Variants in RARB observed in about 807,000 individuals in gnomAD.
RARB encodes retinoic acid receptor beta.
RARB carries 17 observed loss-of-function variants against 51.9 expected under a neutral mutation model. That is an observed-to-expected ratio of 0.33 (90% CI 0.22 to 0.49). The LOEUF (loss-of-function observed/expected upper bound fraction) is 0.49. Among genes scored for constraint, RARB ranks in the 20% least tolerant of loss-of-function variants. The probability of loss-of-function intolerance (pLI) is 0.99; values close to 1 mark genes in which losing one functional copy is unlikely to be tolerated. For missense variants in RARB, 369 were observed against 550.8 expected (o/e 0.67, Z 3.30); for synonymous variants, 215 against 195.4 (o/e 1.10, Z -0.84).
chr3:25,470,952 G>A (rs185514775), intron 2 of RARB, among the ~76,000 whole-genome samples: 50 of 152,248 alleles, frequency 3.3e-4, no homozygotes, highest in African/African-American at 1.2e-3. Context: ...ATAGTAGGAC[G>A]TTAATGTATA....
chr3:25,596,735 A>G lies in RARB; in HGVS notation c.*119A>G. On this transcript the variant is annotated 3_prime_UTR_variant, in exon 8 of 8. Coordinates refer to ENST00000330688, the MANE Select transcript of RARB (RefSeq NM_000965.5). The stretch of plus-strand genomic sequence containing the variant: ...GACTGAAAAGATATTAAAACTCAAG[A>G]AGGACCAAGAAGTTTTCATATGTAT... 1 of 883,742 alleles carries G rather than the reference A, an allele frequency of 1.1e-6. No homozygotes were observed. Among genetic ancestry groups the G allele is most frequent in the Admixed American group, 2.9e-5 (1 of 34,076 alleles). The allele number at this position is 883,742 out of a possible 1,614,324, so 54.7% of individuals were successfully genotyped here.
At chr3:25,111,483 A>G (rs1699599243) in intron 3 of RARB, among the ~76,000 whole-genome samples, 1 of 151,976 alleles carries the variant, frequency 6.6e-6, no homozygotes, top group Non-Finnish European at 1.5e-5. Flanking sequence ...CTGAAATGCC[A>G]TGCCCCTTCA....
chr3:25,218,311 G>A (rs968823788), intron 5 of RARB, among the ~76,000 whole-genome samples: 7 of 151,912 alleles, frequency 4.6e-5, no homozygotes, highest in African/African-American at 7.2e-5. Context: ...GTGTGTGCGC[G>A]CGTGTGCACA....
At chr3:25,155,300 CA>C (rs1434316641) in intron 4 of RARB, among the ~76,000 whole-genome samples, 1 of 152,170 alleles carries the variant, frequency 6.6e-6, no homozygotes, top group Non-Finnish European at 1.5e-5. Context: ...CTGACCCCAG[CA>C]CACGTAAACT....
chr3:25,288,818 C>A (rs146723945), intron 5 of RARB, among the ~76,000 whole-genome samples: 21 of 152,112 alleles, frequency 1.4e-4, no homozygotes, highest in Admixed American at 5.2e-4. Flanking sequence ...TGAATTGTCC[C>A]TGTAGAAATT....
chr3:25,315,544 A>T (rs1437073200), intron 5 of RARB, among the ~76,000 whole-genome samples: 3 of 152,092 alleles, frequency 2.0e-5, no homozygotes, highest in Non-Finnish European at 2.9e-5. Context: ...CTGGCAAGAG[A>T]TGGAAGAGCT....
At chr3:25,355,381 G>T (rs1249630421) in intron 5 of RARB, among the ~76,000 whole-genome samples, 1 of 152,060 alleles carries the variant, frequency 6.6e-6, no homozygotes. Context: ...ACTCTCCAAG[G>T]ACTTTAAGAT....
chr3:25,286,083 C>CTTT lies in RARB; in HGVS notation c.178+111533_178+111535dup, dbSNP rs33947703. Among the ~76,000 whole-genome samples the CTTT allele has an allele frequency of 5.2e-4, 40 of 76,498 alleles. 3 individuals carry two copies. Among genetic ancestry groups the CTTT allele is most frequent in the African/African-American group, 2.0e-3 (36 of 17,700 alleles). 50.2% of individuals were successfully genotyped at this position (76,498 alleles called of 152,430 possible). On this transcript the variant is annotated intron_variant, in intron 5 of 11. Transcript: ENST00000383772. ...ATTAATTGCTAGTCTTGATCTTTCT[C>CTTT]TTTTTTTTTTTTTTTTTTTTTTTTT... is the stretch of plus-strand genomic sequence containing the variant.
At chr3:24,950,781 G>C (rs1345904423) in intron 2 of RARB, among the ~76,000 whole-genome samples, 2 of 151,778 alleles carry the variant, frequency 1.3e-5, no homozygotes, top group East Asian at 3.9e-4. Context: ...ATAAGAGCTT[G>C]AACACACCAA....
chr3:25,409,931 A>G (rs1261823846), intron 5 of RARB, among the ~76,000 whole-genome samples: 2 of 152,234 alleles, frequency 1.3e-5, no homozygotes, highest in Non-Finnish European at 2.9e-5. Flanking sequence ...AATATTGCTA[A>G]GTTTTGTCCT....
intron 3 of RARB, among the ~76,000 whole-genome samples, chr3:25,528,838 C>CATTCTTCGTAAAACGA (rs58501110): frequency 0.18 from 26,833 of 151,874 alleles, 2,511 homozygotes; most frequent in African/African-American, 0.22. Context: ...AAAACGCAGC[C>CATTCTTCGTAAAACGA]AAACATGAAG....
chr3:25,413,866 G>T (rs928470857), intron 5 of RARB, among the ~76,000 whole-genome samples: 2 of 151,990 alleles, frequency 1.3e-5, no homozygotes, highest in African/African-American at 4.8e-5. Flanking sequence ...TAAATATTTT[G>T]CTCAATACTA....
chr3:24,911,773 C>T (rs1193523524), intron 2 of RARB, among the ~76,000 whole-genome samples: 1 of 152,060 alleles, frequency 6.6e-6, no homozygotes, highest in Non-Finnish European at 1.5e-5. Context: ...GGAAACATAG[C>T]AAGATCTTGT....
intron 5 of RARB, among the ~76,000 whole-genome samples, chr3:25,585,279 C>T (rs1050293434): frequency 8.5e-5 from 13 of 152,254 alleles, no homozygotes; most frequent in Admixed American, 2.6e-4. Flanking sequence ...ACTATGCCCT[C>T]AGGGGTCCTG....
intron 2 of RARB, among the ~76,000 whole-genome samples, chr3:25,479,091 C>T (rs1529672): frequency 6.6e-6 from 1 of 151,858 alleles, no homozygotes; most frequent in African/African-American, 2.4e-5. Flanking sequence ...TTGAAACAGG[C>T]ATGAATTCTG....
intron 5 of RARB, among the ~76,000 whole-genome samples, chr3:25,315,239 G>A (rs1443757933): frequency 6.6e-6 from 1 of 152,076 alleles, no homozygotes; most frequent in African/African-American, 2.4e-5. Flanking sequence ...CATCCCACTA[G>A]ACAGAAACTA....
chr3:24,966,242 G>C (rs1386735274), intron 2 of RARB, among the ~76,000 whole-genome samples: 3 of 146,940 alleles, frequency 2.0e-5, no homozygotes, highest in Non-Finnish European at 4.7e-5. Context: ...ACTAGAAGGA[G>C]GGGGAGGTGA....
At chr3:25,408,240 A>G (rs567623834) in intron 5 of RARB, among the ~76,000 whole-genome samples, 20 of 152,288 alleles carry the variant, frequency 1.3e-4, no homozygotes, top group African/African-American at 4.8e-4. Flanking sequence ...TCACACTGCT[A>G]TAAAGAACTA....
At chr3:24,912,978 T>G (rs1695025000) in intron 2 of RARB, among the ~76,000 whole-genome samples, 1 of 91,578 alleles carries the variant, frequency 1.1e-5, no homozygotes, top group South Asian at 4.7e-4. Flanking sequence ...ACTGATTCTT[T>G]TTTTTTTTTT....
Sources: gnomAD v4.1 joint callset for allele counts (sites outside exome capture counted in the v4.1 genomes callset) on GRCh38, gnomAD v4.1.1 for gene constraint, MANE v1.5 for transcripts, NCBI Gene and HGNC (gene_info 2026-07-23, HGNC 2026-07-21) for gene names.